The following SRRM3 variants were observed in gnomAD, a reference collection of about 807,000 sequenced individuals.
SRRM3 encodes serine/arginine repetitive matrix 3.
A neutral mutation model predicts 66.2 loss-of-function variants in SRRM3; 27 were observed. The ratio of observed to expected loss-of-function variants is 0.41; its 90% CI spans 0.30 to 0.56. SRRM3 has a LOEUF of 0.56. Among genes scored for constraint, SRRM3 ranks in the 20% least tolerant of loss-of-function variants. SRRM3 has a pLI of 0.32. For missense variants in SRRM3, 918 were observed against 991.9 expected (o/e 0.93, Z 1.00); for synonymous variants, 391 against 414.9 (o/e 0.94, Z 0.70).
rs1032873209 is a variant in SRRM3 at position 76,260,877 on chromosome 7, A to G, written c.549A>G (p.Lys183=). The G allele has an allele frequency of 1.5e-5, 23 of 1,560,652 alleles. No homozygotes were observed. The Admixed American group carries it at 4.2e-4, about 29-fold the overall frequency. The change falls in exon 6 of 15, where the codon AAA becomes AAG. Residue 183 remains lysine (K), a synonymous_variant. Transcript: ENST00000611745. Reference sequence around the variant, plus strand: ...TCTTCCTGGCATCTGCCCTCAGCAAAAAGAGGAGACTGGAGTCCGAATGCA... The same window carrying G: ...TCTTCCTGGCATCTGCCCTCAGCAAGAAGAGGAGACTGGAGTCCGAATGCA... ...KKKGGHRRSR[K]KRRLESECSC...
intron 2 of SRRM3, among the ~76,000 whole-genome samples, chr7:76,243,890 G>T (rs2117017298): frequency 6.6e-6 from 1 of 152,354 alleles, no homozygotes; most frequent in South Asian, 2.1e-4. Flanking sequence ...ATTGCTCTCT[G>T]CCTCTGCTGG....
intron 14 of SRRM3, chr7:76,283,490 G>C (rs1554612320): frequency 2.2e-6 from 1 of 458,808 alleles, no homozygotes; most frequent in Non-Finnish European, 4.3e-6. Context: ...TCCGTCTCCG[G>C]ACAATGATGT....
chr7:76,256,665 G>GTCACTCTCA (rs1801719954), intron 3 of SRRM3, among the ~76,000 whole-genome samples: 2 of 151,378 alleles, frequency 1.3e-5, no homozygotes, highest in South Asian at 4.2e-4. Flanking sequence ...ACATTGCCAT[G>GTCACTCTCA]TCACTCTCAT....
chr7:76,277,617 G>C (rs1341377093), intron 11 of SRRM3, among the ~76,000 whole-genome samples: 7 of 151,032 alleles, frequency 4.6e-5, no homozygotes, highest in African/African-American at 1.5e-4. Flanking sequence ...AGAATCACTT[G>C]AACCTGGCAG....
chr7:76,250,459 C>T (rs1243249859), intron 3 of SRRM3, among the ~76,000 whole-genome samples: 2 of 152,104 alleles, frequency 1.3e-5, no homozygotes, highest in African/African-American at 2.4e-5. Context: ...GTCTCGAACT[C>T]GTGACCTCAG....
chr7:76,216,765 C>G (rs60717745), intron 1 of SRRM3, among the ~76,000 whole-genome samples: 24,969 of 152,112 alleles, frequency 0.16, 2,364 homozygotes, highest in East Asian at 0.32. Context: ...TCCCTCTCTC[C>G]CCTTTTACTG....
At chr7:76,272,518 T>C (rs1554610635) in intron 11 of SRRM3, among the ~76,000 whole-genome samples, 2 of 152,116 alleles carry the variant, frequency 1.3e-5, no homozygotes, top group East Asian at 3.9e-4. Context: ...CAGTGAGCTA[T>C]CATCCTGTCT....
At chr7:76,244,607 T>G (rs1211555062) in intron 2 of SRRM3, among the ~76,000 whole-genome samples, 3 of 151,914 alleles carry the variant, frequency 2.0e-5, no homozygotes, top group African/African-American at 7.3e-5. Flanking sequence ...CTCATTCAAT[T>G]GGTCCCCAAG....
At position 76,285,814 on chromosome 7, in the gene SRRM3, C is replaced by T. The variant is rs782419324; in HGVS notation, c.1933C>T (p.Arg645Trp). ...SRTPSPSYHS[R>W]SSSESGGF Reference sequence around the variant, plus strand: ...GACCCCCAGTCCCAGCTACCACAGCCGGAGCAGCTCTGAGAGCGGGGGCTT... The same window carrying T: ...GACCCCCAGTCCCAGCTACCACAGCTGGAGCAGCTCTGAGAGCGGGGGCTT... Residue 645 changes from arginine (R) to tryptophan (W), a missense_variant, in exon 15 of 15, where the codon CGG becomes TGG. Physicochemically the swap from Arg to Trp is moderately radical, Grantham distance 101. Coordinates refer to ENST00000611745, the MANE Select transcript of SRRM3 (RefSeq NM_001110199.3). This position sits in a 1 kb window ranked among gnomAD's most constrained non-coding sequence, Gnocchi z 4.1. 6.0e-5 allele frequency: 93 copies of T among 1,550,546 alleles called. No homozygotes were observed. Among genetic ancestry groups the T allele is most frequent in the Middle Eastern group, 1.7e-4 (1 of 5,880 alleles).
chr7:76,217,125 G>A (rs1554602676), intron 1 of SRRM3, among the ~76,000 whole-genome samples: 1 of 152,188 alleles, frequency 6.6e-6, no homozygotes, highest in African/African-American at 2.4e-5. Context: ...GGTAGGGGTA[G>A]GGTAGGGGTA....
At chr7:76,263,875 G>GCC (rs1243393227) in intron 8 of SRRM3, among the ~76,000 whole-genome samples, 2 of 26,760 alleles carry the variant, frequency 7.5e-5, no homozygotes, top group African/African-American at 1.4e-4. Flanking sequence ...TCTGTCTCAA[G>GCC]ACAAAAAAAA....
intron 1 of SRRM3, among the ~76,000 whole-genome samples, chr7:76,213,322 T>C (rs897425363): frequency 6.6e-6 from 1 of 152,116 alleles, no homozygotes; most frequent in African/African-American, 2.4e-5. Context: ...TACACCCCAT[T>C]CACACTGGTG....
chr7:76,264,891 C>A, intron 9 of SRRM3, 76 bp downstream of exon 9: 2 of 1,479,430 alleles, frequency 1.4e-6, no homozygotes, highest in Non-Finnish European at 1.9e-6. Context: ...TTTAGAATCA[C>A]AGAATCAGGC....
At chr7:76,252,305 G>A (rs1801599642) in intron 3 of SRRM3, among the ~76,000 whole-genome samples, 1 of 152,086 alleles carries the variant, frequency 6.6e-6, no homozygotes, top group Non-Finnish European at 1.5e-5. Flanking sequence ...CCAGTTGCTA[G>A]ATGAACTTAT....
At chr7:76,251,259 T>C (rs930369676) in intron 3 of SRRM3, among the ~76,000 whole-genome samples, 2 of 152,206 alleles carry the variant, frequency 1.3e-5, no homozygotes, top group Non-Finnish European at 2.9e-5. Flanking sequence ...TCAGTTTGTT[T>C]TCACAAGGGG....
At chr7:76,263,156 T>C (rs1471076399) in intron 8 of SRRM3, among the ~76,000 whole-genome samples, 2 of 152,164 alleles carry the variant, frequency 1.3e-5, no homozygotes, top group African/African-American at 4.8e-5. Flanking sequence ...ACACACCCTC[T>C]GGCCAGCTCC....
At chr7:76,217,997 A>G (rs1177415370) in intron 1 of SRRM3, among the ~76,000 whole-genome samples, 1 of 152,166 alleles carries the variant, frequency 6.6e-6, no homozygotes, top group African/African-American at 2.4e-5. Flanking sequence ...CCCTGCCAGT[A>G]TCCAGGCCCC....
At chr7:76,270,627 C>T (rs1554610424) in intron 11 of SRRM3, among the ~76,000 whole-genome samples, 1 of 151,956 alleles carries the variant, frequency 6.6e-6, no homozygotes, top group Admixed American at 6.6e-5. Context: ...GCCTGGCTAA[C>T]ATGGCGAACC....
chr7:76,278,452 A>G (rs1156737160), intron 11 of SRRM3, among the ~76,000 whole-genome samples: 1 of 152,054 alleles, frequency 6.6e-6, no homozygotes, highest in East Asian at 1.9e-4. Context: ...GTGCCACTGC[A>G]CTCCAGCCTG....
Sources: gnomAD v4.1 joint callset for allele counts (sites outside exome capture counted in the v4.1 genomes callset) on GRCh38, gnomAD v4.1.1 for gene constraint, Gnocchi (gnomAD v3.1) non-coding constraint, MANE v1.5 for transcripts, NCBI Gene and HGNC (gene_info 2026-07-23, HGNC 2026-07-21) for gene names.